Variants in LONP2 observed in about 807,000 individuals in gnomAD.
The protein encoded by LONP2 is lon peptidase 2, peroxisomal, also known as lon protease homolog 2, peroxisomal.
In LONP2, 60 loss-of-function variants were observed where a neutral mutation model predicts 85.6. The observed-to-expected ratio is 0.70, with a 90% CI of 0.57 to 0.87. The LOEUF is 0.87. Ranked by LOEUF, LONP2 falls within the 40% of genes least tolerant of loss-of-function variation. LONP2 has a pLI of 0.00. For synonymous variants in LONP2, 395 were observed against 389.7 expected, an observed-to-expected ratio of 1.01 and a Z score of -0.16; for missense variants, 860 against 1,063.5, an observed-to-expected ratio of 0.81 and a Z score of 2.66.
Position 48,244,342 on chromosome 16 carries a change from GT to G in LONP2, c.-46del. The G allele has an allele frequency of 7.2e-7, 1 of 1,391,456 alleles. No homozygotes were observed. Among genetic ancestry groups the G allele is most frequent in the South Asian group, 1.4e-5 (1 of 71,892 alleles). 86.2% of individuals were successfully genotyped at this position (1,391,456 alleles called of 1,614,324 possible). On this transcript the variant is annotated 5_prime_UTR_variant, in exon 1 of 15. Transcript: ENST00000285737. ...ACTGCGGGGCAGGCCGGGGGCAGCT[GT>G]CTGTCTGGCTCTTTTTGACAGCCCC...
At chr16:48,341,093 G>T (rs1259670626) in intron 12 of LONP2, among the ~76,000 whole-genome samples, 1 of 152,122 alleles carries the variant, frequency 6.6e-6, no homozygotes, top group African/African-American at 2.4e-5. Context: ...ATGAGGTCAG[G>T]ATTTCGAGAC....
rs761131894 is a variant in LONP2 at position 48,351,562 on chromosome 16, CTTTT to C, written c.2338-16_2338-13del. 1.9e-6 allele frequency: 3 copies of C among 1,607,104 alleles called. No homozygotes were observed. The highest frequency in any genetic ancestry group is 2.6e-6 in the Non-Finnish European group (3 of 1,176,000). ...TGAGGGTGATCATTAACCCTAAAAA[CTTTT>C]TTCTCTCCTTACAGGTGGGTGGAAT... On this transcript the variant is annotated splice_polypyrimidine_tract_variant and intron_variant, in intron 14 of 14. Coordinates refer to ENST00000285737, the MANE Select transcript of LONP2 (RefSeq NM_031490.5).
chr16:48,322,750 C>G (rs1034575295), intron 11 of LONP2, among the ~76,000 whole-genome samples: 5 of 152,050 alleles, frequency 3.3e-5, no homozygotes, highest in Non-Finnish European at 7.4e-5. Context: ...TTAAATGAAG[C>G]ATAGTAAGTA....
At position 48,355,848 on chromosome 16, in the gene LONP2, T is replaced by A. The variant is rs1374345608; in HGVS notation, c.*4046T>A. 1 of 152,202 alleles carries A rather than the reference T, an allele frequency of 6.6e-6. No homozygotes were observed. Among genetic ancestry groups the A allele is most frequent in the Non-Finnish European group, 1.5e-5 (1 of 68,036 alleles). 9.4% of individuals were successfully genotyped at this position (152,202 alleles called of 1,614,324 possible). On this transcript the variant is annotated 3_prime_UTR_variant, in exon 15 of 15. Transcript: ENST00000285737. ...ATTGAAAATTATTAACTCTAGAAAT[T>A]TTAGTTTAAACTAGACTTAGGGATA...
chr16:48,335,254 A>T (rs375179060), intron 12 of LONP2, among the ~76,000 whole-genome samples: 3 of 152,228 alleles, frequency 2.0e-5, no homozygotes, highest in African/African-American at 7.2e-5. Flanking sequence ...GTCTGAAAAC[A>T]TGAGCATAGC....
At chr16:48,362,027 G>A (rs372892939), downstream of LONP2, 4 of 1,614,180 alleles carry the variant, frequency 2.5e-6, no homozygotes, top group Non-Finnish European at 2.5e-6. This position sits in a 1 kb window ranked among gnomAD's most constrained non-coding sequence, Gnocchi z 4.2. Flanking sequence ...GCCATTTACA[G>A]GAAGCACCAG....
intron 5 of LONP2, 81 bp from the exon 6 acceptor site, chr16:48,262,697 A>C: frequency 2.4e-6 from 2 of 843,220 alleles, no homozygotes; most frequent in Non-Finnish European, 3.8e-6. Flanking sequence ...TCTAACCAAG[A>C]AAGAGAGCTG....
intron 11 of LONP2, among the ~76,000 whole-genome samples, chr16:48,303,938 A>ATTCTAGCCATGC (rs2151002435): frequency 6.6e-6 from 1 of 152,300 alleles, no homozygotes; most frequent in East Asian, 1.9e-4. Context: ...AGCTGATTAG[A>ATTCTAGCCATGC]TGGTGCCCAC....
At position 48,277,871 on chromosome 16, in the gene LONP2, A is replaced by G. The variant is rs76339076; in HGVS notation, c.1383+392A>G. On this transcript the variant is annotated intron_variant, in intron 8 of 14. Transcript: ENST00000285737. Reference sequence around the variant, plus strand: ...TGATTAACCCTATTTTCAAAATAGCATGGCTATCTTGCACTTCCTGATTTT... The same window carrying G: ...TGATTAACCCTATTTTCAAAATAGCGTGGCTATCTTGCACTTCCTGATTTT... 5.9e-3 allele frequency among the ~76,000 whole-genome samples: 876 copies of G among 149,208 alleles called. 9 individuals are homozygous for G. Among genetic ancestry groups the G allele is most frequent in the African/African-American group, 0.02 (826 of 40,738 alleles).
intron 3 of LONP2, among the ~76,000 whole-genome samples, chr16:48,257,092 G>A (rs191865385): frequency 2.6e-4 from 40 of 152,134 alleles, no homozygotes; most frequent in African/African-American, 9.6e-4. Context: ...TGGGTGGATC[G>A]CTTGAGATCA....
At chr16:48,268,111 A>AT (rs1972029302) in intron 6 of LONP2, among the ~76,000 whole-genome samples, 1 of 152,296 alleles carries the variant, frequency 6.6e-6, no homozygotes, top group African/African-American at 2.4e-5. Flanking sequence ...AATTTGAAAA[A>AT]TTTTTTACAT....
At chr16:48,256,969 A>G (rs1325237075) in intron 3 of LONP2, among the ~76,000 whole-genome samples, 3 of 152,110 alleles carry the variant, frequency 2.0e-5, no homozygotes, top group East Asian at 1.9e-4. Flanking sequence ...TTTTATTTGC[A>G]TAATCAGTAA....
chr16:48,358,530 A>G (rs970200897), downstream of LONP2, among the ~76,000 whole-genome samples: 1 of 152,212 alleles, frequency 6.6e-6, no homozygotes, highest in Non-Finnish European at 1.5e-5. Flanking sequence ...ATCTTTGAAA[A>G]TAAACATGTG....
At chr16:48,314,053 A>G (rs1428686107) in intron 11 of LONP2, among the ~76,000 whole-genome samples, 1 of 152,056 alleles carries the variant, frequency 6.6e-6, no homozygotes, top group Non-Finnish European at 1.5e-5. Flanking sequence ...TTCTCTAATG[A>G]TCAGTGATGT....
At chr16:48,336,200 G>A (rs879873853) in intron 12 of LONP2, among the ~76,000 whole-genome samples, 18 of 152,218 alleles carry the variant, frequency 1.2e-4, no homozygotes, top group African/African-American at 2.9e-4. Context: ...AAGCATTGCT[G>A]ACATTCCTGG....
chr16:48,311,884 T>C (rs1227149422), intron 11 of LONP2, among the ~76,000 whole-genome samples: 1 of 151,168 alleles, frequency 6.6e-6, no homozygotes, highest in Non-Finnish European at 1.5e-5. Flanking sequence ...TTGCCTTGGC[T>C]TCCTAAACTA....
intron 8 of LONP2, among the ~76,000 whole-genome samples, chr16:48,293,157 G>T (rs1456315547): frequency 2.6e-5 from 4 of 152,158 alleles, no homozygotes; most frequent in Admixed American, 2.0e-4. Context: ...GGCCAGGCAT[G>T]GTGGCTCATG....
downstream of LONP2, chr16:48,361,558 C>A (rs373081174): frequency 6.0e-5 from 97 of 1,606,858 alleles, no homozygotes; most frequent in Non-Finnish European, 8.2e-5. Flanking sequence ...AAACACTGGC[C>A]AGAAAATGTT....
At chr16:48,328,405 C>T (rs909034960) in intron 11 of LONP2, among the ~76,000 whole-genome samples, 3 of 146,688 alleles carry the variant, frequency 2.0e-5, no homozygotes, top group Non-Finnish European at 3.0e-5. Context: ...TTGGGCCGGG[C>T]GCAGTGGCTC....
Sources: gnomAD v4.1 joint callset for allele counts (sites outside exome capture counted in the v4.1 genomes callset) on GRCh38, gnomAD v4.1.1 for gene constraint, Gnocchi (gnomAD v3.1) non-coding constraint, MANE v1.5 for transcripts, NCBI Gene and HGNC (gene_info 2026-07-23, HGNC 2026-07-21) for gene names.